KSR1: variants seen among roughly 807,000 people sequenced by gnomAD.
KSR1 encodes kinase suppressor of ras 1.
A neutral mutation model predicts 92.9 loss-of-function variants in KSR1; 35 were observed. The observed-to-expected ratio is 0.38, with a 90% CI of 0.29 to 0.50. The LOEUF is 0.50. KSR1 is among the 20% of genes least tolerant of loss of function. The probability of loss-of-function intolerance (pLI) is 0.94; values close to 1 mark genes in which losing one functional copy is unlikely to be tolerated. For missense variants in KSR1, 972 were observed against 1,158.5 expected (o/e 0.84, Z 2.34); for synonymous variants, 467 against 472.6 (o/e 0.99, Z 0.15).
chr17:27,592,697 C>G, intron 9 of KSR1, 71 bp downstream of exon 9: 1 of 1,296,130 alleles, frequency 7.7e-7, no homozygotes, highest in Non-Finnish European at 1.1e-6. Flanking sequence ...ACCCCTGCCT[C>G]AGAGGCTCAG....
rs1252079290 is a variant in KSR1, at chr17:27,459,499, G to A, written c.231+2625G>A. On this transcript the variant is annotated intron_variant, in intron 1 of 20. Transcript: ENST00000644974. This position sits in a 1 kb window ranked among gnomAD's most constrained non-coding sequence, Gnocchi z 4.6. ...AGCAAGCTGGGTGGGACCGTCCACC[G>A]CCAGCAGCATGTGTTGGGGCCAGGC... 3.3e-5 allele frequency among the ~76,000 whole-genome samples: 5 copies of A among 152,250 alleles called. No individual in the cohort carries two copies. Among genetic ancestry groups the A allele is most frequent in the East Asian group, 3.8e-4 (2 of 5,200 alleles).
chr17:27,529,257 T>C (rs1297056894), intron 1 of KSR1, among the ~76,000 whole-genome samples: 2 of 152,218 alleles, frequency 1.3e-5, no homozygotes, highest in Non-Finnish European at 2.9e-5. Context: ...TTGCCTCATA[T>C]GATTAAGTAC....
intron 2 of KSR1, chr17:27,558,019 T>C (rs1598022625): frequency 6.5e-6 from 1 of 152,674 alleles, no homozygotes; most frequent in Admixed American, 6.5e-5. Context: ...CTTCCTTGTG[T>C]GTCTTCACCC....
At chr17:27,560,064 G>A (rs539685540) in intron 2 of KSR1, among the ~76,000 whole-genome samples, 11 of 152,364 alleles carry the variant, frequency 7.2e-5, no homozygotes, top group East Asian at 3.9e-4. Flanking sequence ...TGCCTCCCAC[G>A]TGGCTGGAGG....
At chr17:27,607,216 A>G (rs2073782648) in intron 14 of KSR1, among the ~76,000 whole-genome samples, 1 of 152,214 alleles carries the variant, frequency 6.6e-6, no homozygotes. Flanking sequence ...TAAGGAAATC[A>G]CCAACCAATA....
intron 10 of KSR1, among the ~76,000 whole-genome samples, chr17:27,598,881 G>A (rs775839507): frequency 2.6e-5 from 4 of 151,940 alleles, no homozygotes; most frequent in Non-Finnish European, 2.9e-5. Context: ...CTGCCCGCCC[G>A]GCTGGCCCGG....
intron 2 of KSR1, among the ~76,000 whole-genome samples, chr17:27,564,736 A>ACCCC (rs34194473): frequency 8.9e-5 from 9 of 101,458 alleles, no homozygotes; most frequent in Admixed American, 2.2e-4. Context: ...AAGATGGAAG[A>ACCCC]CCCCCCCCCC....
chr17:27,495,315 G>A (rs1383120144), intron 1 of KSR1, among the ~76,000 whole-genome samples: 1 of 152,196 alleles, frequency 6.6e-6, no homozygotes, highest in African/African-American at 2.4e-5. Context: ...AGGCAGAAAA[G>A]CATAGTTTAT....
intron 1 of KSR1, among the ~76,000 whole-genome samples, chr17:27,458,005 G>T (rs2019261693): frequency 6.8e-6 from 1 of 147,536 alleles, no homozygotes. Flanking sequence ...CTCCAGGCAT[G>T]CCACAAAGCC....
chr17:27,591,467 T>C (rs942509064), intron 7 of KSR1, among the ~76,000 whole-genome samples: 2 of 152,178 alleles, frequency 1.3e-5, no homozygotes, highest in African/African-American at 4.8e-5. Flanking sequence ...TGCCCCTGCA[T>C]TGCTGTGTGA....
chr17:27,550,508 G>T (rs2071357953), intron 1 of KSR1, 60 bp from the exon 2 acceptor site: 1 of 754,912 alleles, frequency 1.3e-6, no homozygotes, highest in Non-Finnish European at 2.4e-6. Context: ...GTGTGCTTGG[G>T]CCTGCCATAT....
chr17:27,494,568 A>G (rs779509798), intron 1 of KSR1, among the ~76,000 whole-genome samples: 3 of 152,192 alleles, frequency 2.0e-5, no homozygotes, highest in Non-Finnish European at 4.4e-5. Flanking sequence ...AACAGAGTTA[A>G]TGTTTCCCCA....
intron 10 of KSR1, 116 bp downstream of exon 10, chr17:27,597,552 T>G (rs878916492): frequency 8.9e-7 from 1 of 1,117,812 alleles, no homozygotes; most frequent in Non-Finnish European, 1.2e-6. Flanking sequence ...AGCTGATGTT[T>G]ATGAAGTACT....
chr17:27,519,910 C>G (rs2069952904), intron 1 of KSR1, among the ~76,000 whole-genome samples: 1 of 152,146 alleles, frequency 6.6e-6, no homozygotes, highest in South Asian at 2.1e-4. Flanking sequence ...GATAGTAAAA[C>G]TGTTTCCCCA....
intron 1 of KSR1, chr17:27,471,866 AT>A (rs2150923533): frequency 6.6e-6 from 1 of 152,390 alleles, no homozygotes; most frequent in Admixed American, 6.5e-5. Flanking sequence ...CAGCTGACTC[AT>A]CTCTGTACTG....
intron 1 of KSR1, among the ~76,000 whole-genome samples, chr17:27,476,619 A>T (rs1043648740): frequency 1.8e-4 from 27 of 152,144 alleles, no homozygotes; most frequent in Non-Finnish European, 2.9e-5. Context: ...TGGGAAGCCC[A>T]TGGTTGACTC....
At chr17:27,482,474 G>A (rs574335704) in intron 1 of KSR1, among the ~76,000 whole-genome samples, 3 of 152,236 alleles carry the variant, frequency 2.0e-5, no homozygotes, top group East Asian at 1.9e-4. Flanking sequence ...CATGAGTCTC[G>A]GCACTGGAGA....
chr17:27,563,639 C>G (rs2071926943), intron 2 of KSR1, among the ~76,000 whole-genome samples: 1 of 152,222 alleles, frequency 6.6e-6, no homozygotes, highest in Non-Finnish European at 1.5e-5. Flanking sequence ...TTTGAGGCCC[C>G]TTAAGTATTC....
chr17:27,558,783 G>A (rs1180959636), intron 2 of KSR1, among the ~76,000 whole-genome samples: 1 of 151,822 alleles, frequency 6.6e-6, no homozygotes, highest in East Asian at 1.9e-4. Flanking sequence ...AGTGCTGAAG[G>A]ACCCCCGCAT....
Sources: gnomAD v4.1 joint callset for allele counts (sites outside exome capture counted in the v4.1 genomes callset) on GRCh38, gnomAD v4.1.1 for gene constraint, Gnocchi (gnomAD v3.1) non-coding constraint, MANE v1.5 for transcripts, NCBI Gene and HGNC (gene_info 2026-07-23, HGNC 2026-07-21) for gene names.